The following METTL22 variants were observed in gnomAD, a reference collection of about 807,000 sequenced individuals.
METTL22 encodes the protein methyltransferase-like protein 22.
In METTL22, 51 loss-of-function variants were observed where a neutral mutation model predicts 48.4. The ratio of observed to expected loss-of-function variants is 1.05; its 90% CI spans 0.84 to 1.33. The LOEUF is 1.33. METTL22 is among the 40% of genes most tolerant of loss of function. METTL22 has a pLI of 0.00. For synonymous variants in METTL22, 255 were observed against 214.1 expected (o/e 1.19, Z -1.67); for missense variants, 678 against 526.9 (o/e 1.29, Z -2.81).
intron 10 of METTL22, 162 bp from the exon 11 acceptor site, chr16:8,645,946 A>G (rs1427692137): frequency 1.0e-5 from 13 of 1,262,694 alleles, no homozygotes; most frequent in Non-Finnish European, 1.1e-5. Context: ...CCAGAGCAAC[A>G]AAGAAAGGAG....
chr16:8,656,047 A>G, the METTL22 span, among the ~76,000 whole-genome samples: 2 of 152,202 alleles, frequency 1.3e-5, no homozygotes, highest in Non-Finnish European at 2.9e-5. Flanking sequence ...ATGGCGAGTT[A>G]GGATACCAGT....
At chr16:8,626,197 C>T (rs1219434953) in intron 2 of METTL22, among the ~76,000 whole-genome samples, 5 of 152,106 alleles carry the variant, frequency 3.3e-5, no homozygotes, top group Non-Finnish European at 7.4e-5. Flanking sequence ...CTTGCTAGCC[C>T]AGGCTGGTTT....
At chr16:8,663,144 T>C in the METTL22 span, among the ~76,000 whole-genome samples, 1 of 138,640 alleles carries the variant, frequency 7.2e-6, no homozygotes, top group Non-Finnish European at 1.5e-5. Context: ...AGGCAGAGGT[T>C]ACAGTGAGCC....
chr16:8,651,468 T>C (rs982130065), downstream of METTL22, among the ~76,000 whole-genome samples: 1 of 151,634 alleles, frequency 6.6e-6, no homozygotes, highest in African/African-American at 2.4e-5. Flanking sequence ...TTTCATTAAA[T>C]TGCAGACTTA....
chr16:8,666,011 C>T, the METTL22 span, among the ~76,000 whole-genome samples: 1 of 152,156 alleles, frequency 6.6e-6, no homozygotes, highest in Non-Finnish European at 1.5e-5. Context: ...TAGCTGTGGC[C>T]ACAGGTGATG....
the METTL22 span, among the ~76,000 whole-genome samples, chr16:8,659,604 A>G: frequency 6.6e-6 from 1 of 152,202 alleles, no homozygotes. Context: ...AATGTCAGGT[A>G]GTGTAAAGAA....
chr16:8,646,420 G>A lies in METTL22; in HGVS notation c.*277G>A. 1 of 666,548 alleles carries A rather than the reference G, an allele frequency of 1.5e-6. No individual in the cohort carries two copies. The highest frequency in any genetic ancestry group is 3.0e-5 in the East Asian group (1 of 33,898). 41.3% of individuals were successfully genotyped at this position (666,548 alleles called of 1,614,324 possible). A position where few individuals can be genotyped will look rare whatever the true frequency, so the allele number is the denominator to read the frequency against. On this transcript the variant is annotated 3_prime_UTR_variant, in exon 11 of 11. Transcript: ENST00000381920. The stretch of plus-strand genomic sequence containing the variant: ...TCAAGCCGAGCCACGTTCCTTCTCA[G>A]CTCAGTTCCACCCACGTCAGTCATT...
At chr16:8,646,025 T>A in intron 10 of METTL22, 83 bp from the exon 11 acceptor site, 1 of 1,599,012 alleles carries the variant, frequency 6.3e-7, no homozygotes, top group Non-Finnish European at 8.5e-7. Context: ...ACTACTCTCC[T>A]TGGTGAATCA....
downstream of METTL22, among the ~76,000 whole-genome samples, chr16:8,654,376 A>G (rs1204954308): frequency 6.6e-6 from 1 of 152,256 alleles, no homozygotes; most frequent in East Asian, 1.9e-4. Flanking sequence ...GGAAAGTTAC[A>G]TACCACATGG....
chr16:8,625,894 C>T (rs928480179), intron 2 of METTL22, 96 bp downstream of exon 2: 23 of 1,482,894 alleles, frequency 1.6e-5, no homozygotes, highest in East Asian at 2.3e-5. Context: ...GACTGGATTA[C>T]GTAACTGTTA....
At chr16:8,628,507 T>C (rs143317356) in intron 2 of METTL22, among the ~76,000 whole-genome samples, 4 of 152,140 alleles carry the variant, frequency 2.6e-5, no homozygotes, top group Admixed American at 1.3e-4. Context: ...AAGTGCCTCA[T>C]AGATTCTCAT....
rs1165739098 is a variant in METTL22 at position 8,635,270 on chromosome 16, A to G, written c.658A>G (p.Ser220Gly). The G allele has an allele frequency of 1.9e-6, 3 of 1,603,468 alleles. No homozygotes were observed. In the Admixed American group the frequency reaches 5.0e-5, roughly 27 times the overall value. Residue 220 changes from serine to glycine, a missense_variant, in exon 5 of 11, where the codon AGC becomes GGC. Ser to Gly is a moderately conservative substitution (Grantham distance 56, BLOSUM62 0). Transcript: ENST00000381920. ...LELGAGTGLA[S>G]IIAATMARTV... The stretch of plus-strand genomic sequence containing the variant: ...GCTCGGGGCCGGCACGGGGCTCGCT[A>G]GCATCATCGCAGCCACCATGGCACG...
At chr16:8,643,633 G>A (rs2056691328) in intron 9 of METTL22, among the ~76,000 whole-genome samples, 1 of 152,024 alleles carries the variant, frequency 6.6e-6, no homozygotes, top group Non-Finnish European at 1.5e-5. Flanking sequence ...GTTTTTTTGA[G>A]GCAGAGTCTT....
At chr16:8,660,376 A>G in the METTL22 span, among the ~76,000 whole-genome samples, 1 of 151,794 alleles carries the variant, frequency 6.6e-6, no homozygotes, top group East Asian at 1.9e-4. Flanking sequence ...TGGGGGTTTC[A>G]CCATGTTGGC....
the METTL22 span, among the ~76,000 whole-genome samples, chr16:8,662,084 G>T: frequency 6.9e-6 from 1 of 145,090 alleles, no homozygotes; most frequent in Non-Finnish European, 1.5e-5. Flanking sequence ...TCTACCAAAA[G>T]AAAAACAATC....
At chr16:8,655,273 A>G in the METTL22 span, among the ~76,000 whole-genome samples, 2 of 152,212 alleles carry the variant, frequency 1.3e-5, no homozygotes, top group Non-Finnish European at 2.9e-5. Flanking sequence ...TGAAGGTTCA[A>G]CTAAGAGTGG....
At chr16:8,642,803 G>A in intron 9 of METTL22, 1 of 570,814 alleles carries the variant, frequency 1.8e-6, no homozygotes. Flanking sequence ...AGGCTGGGAA[G>A]CATCAGGGGC....
chr16:8,625,922 A>C (rs2056034883), intron 2 of METTL22, 124 bp downstream of exon 2: 2 of 1,200,564 alleles, frequency 1.7e-6, no homozygotes, highest in Non-Finnish European at 2.3e-6. Flanking sequence ...ACCACTTTTT[A>C]AGTGCCCTTT....
In METTL22 at chr16:8,642,155, A is replaced by G; in HGVS notation, c.855A>G (p.Gln285=). The G allele has an allele frequency of 1.1e-5, 18 of 1,613,846 alleles. No individual in the cohort carries two copies. Among genetic ancestry groups the G allele is most frequent in the Non-Finnish European group, 1.5e-5 (18 of 1,179,744 alleles). Residue 285 remains glutamine, a synonymous_variant, in exon 8 of 11, where the codon CAA becomes CAG. Transcript: ENST00000381920. ...CCAAGGTCCCCTTCAGTTGGTCACAAGAGGAAATTTCTGACTTGTACGATC... is the reference window on the plus strand; with the variant it reads ...CCAAGGTCCCCTTCAGTTGGTCACAGGAGGAAATTTCTGACTTGTACGATC... The part of the protein sequence containing the change: ...TDPKVPFSWS[Q]EEISDLYDHT...
Sources: allele counts gnomAD v4.1 joint callset (sites outside exome capture counted in the v4.1 genomes callset), GRCh38; gene constraint gnomAD v4.1.1; transcripts MANE v1.5; gene names NCBI Gene and HGNC (gene_info 2026-07-23, HGNC 2026-07-21).